CYP20A1: variants seen among roughly 807,000 people sequenced by gnomAD.
CYP20A1 encodes cytochrome P450 family 20 subfamily A member 1, also known as cytochrome P450 20A1.
A neutral mutation model predicts 61.4 loss-of-function variants in CYP20A1; 61 were observed. The observed-to-expected ratio is 0.99, with a 90% confidence interval of 0.81 to 1.23. The LOEUF is 1.23. Among genes scored for constraint, CYP20A1 ranks in the 50% most tolerant of loss-of-function variants. CYP20A1 has a pLI of 0.00. For synonymous variants in CYP20A1, 193 were observed against 188.2 expected, an observed-to-expected ratio of 1.03 and a Z score of -0.21; for missense variants, 530 against 542.4, an observed-to-expected ratio of 0.98 and a Z score of 0.23.
At chr2:203,265,464 C>T (rs984665688) in intron 4 of CYP20A1, among the ~76,000 whole-genome samples, 1 of 152,122 alleles carries the variant, frequency 6.6e-6, no homozygotes, top group African/African-American at 2.4e-5. Context: ...CACCTTTATA[C>T]TTTGATTTTG....
rs2066673329 is a variant in CYP20A1 at position 203,251,636 on chromosome 2, G to C, written c.290-331G>C. Reference sequence around the variant, plus strand: ...AGTACAAAATTAGCCAGGAGTGTTGGCACACGCCTGTAATCCTAGCTACTT... The same window carrying C: ...AGTACAAAATTAGCCAGGAGTGTTGCCACACGCCTGTAATCCTAGCTACTT... On this transcript the variant is annotated intron_variant, in intron 3 of 12. Coordinates refer to ENST00000356079, the MANE Select transcript of CYP20A1 (RefSeq NM_177538.3). Among the ~76,000 whole-genome samples the C allele has an allele frequency of 2.0e-5, 3 of 150,082 alleles. No individual in the cohort carries two copies. In the Admixed American group the frequency reaches 2.0e-4, roughly 10 times the overall value.
chr2:203,260,194 T>C (rs985111394), intron 4 of CYP20A1, among the ~76,000 whole-genome samples: 1 of 151,756 alleles, frequency 6.6e-6, no homozygotes, highest in Non-Finnish European at 1.5e-5. Flanking sequence ...CCCAAAGTGC[T>C]GGGATTGCAG....
intron 6 of CYP20A1, among the ~76,000 whole-genome samples, chr2:203,273,965 A>C (rs941933772): frequency 1.3e-5 from 2 of 152,134 alleles, no homozygotes; most frequent in Non-Finnish European, 2.9e-5. Context: ...TAAAAAATAA[A>C]AAATTAGCAT....
rs755838388 is a variant in CYP20A1 at position 203,296,758 on chromosome 2, G to T, written c.1239G>T (p.Arg413Ser). ...ACTAATTGACTTTCTTCCTGACTAGGTTTGCATATATGGTGACCACAGTAC... is the reference window on the plus strand; with the variant it reads ...ACTAATTGACTTTCTTCCTGACTAGTTTTGCATATATGGTGACCACAGTAC... ...FSGTQECPEL[R>S]FAYMVTTVLL... is the part of the protein sequence containing the mutation. The change falls in exon 13 of 13, where the codon AGG becomes AGT. Residue 413 changes from arginine to serine, a missense_variant and splice_region_variant. Coordinates refer to ENST00000356079, the MANE Select transcript of CYP20A1 (RefSeq NM_177538.3). The T allele has an allele frequency of 1.9e-6, 3 of 1,582,216 alleles. No individual in the cohort carries two copies. The highest frequency in any genetic ancestry group is 1.4e-5 in the African/African-American group (1 of 72,908).
At position 203,262,670 on chromosome 2, in the gene CYP20A1, T is replaced by TTTG. The variant is rs574124769; in HGVS notation, c.433-3826_433-3824dup. ...TCTATATTTCTGTCATATACAAGTT[T>TTTG]TTGTTGTTGTTGTTGTTGTTTGTTT... On this transcript the variant is annotated intron_variant, in intron 4 of 12. Transcript: ENST00000356079. Among the ~76,000 whole-genome samples the TTTG allele has an allele frequency of 3.2e-3, 480 of 152,116 alleles. 2 individuals are homozygous for TTTG. The highest frequency in any genetic ancestry group is 5.8e-3 in the Non-Finnish European group (395 of 67,984).
chr2:203,275,148 A>G (rs1416719697), intron 6 of CYP20A1, among the ~76,000 whole-genome samples: 1 of 152,224 alleles, frequency 6.6e-6, no homozygotes, highest in Non-Finnish European at 1.5e-5. Context: ...AGAATCTGAG[A>G]TCAGGGTGTC....
At chr2:203,273,901 C>T (rs567056954) in intron 6 of CYP20A1, among the ~76,000 whole-genome samples, 4 of 152,078 alleles carry the variant, frequency 2.6e-5, no homozygotes, top group African/African-American at 4.8e-5. Flanking sequence ...GAGCTGAGAT[C>T]GTGCCACTGC....
chr2:203,292,256 TCACAGACC>T lies in CYP20A1; in HGVS notation c.1084-4_1087del. On this transcript the variant is annotated splice_acceptor_variant and splice_polypyrimidine_tract_variant and coding_sequence_variant and intron_variant, in exon 11 of 13. Coordinates refer to ENST00000356079, the MANE Select transcript of CYP20A1 (RefSeq NM_177538.3). LOFTEE classifies it high-confidence loss of function. The stretch of plus-strand genomic sequence containing the variant: ...CCTTGACTAATTGGATTTTTTTTTT[TCACAGACC>T]CTCGTCCTTTATGCCCTTGGTGTGG... 6.2e-7 allele frequency: 1 copy of T among 1,607,722 alleles called. No individual in the cohort carries two copies. The highest frequency in any genetic ancestry group is 8.5e-7 in the Non-Finnish European group (1 of 1,176,328).
chr2:203,252,172 G>A (rs2066716364), intron 4 of CYP20A1, 63 bp downstream of exon 4: 3 of 1,262,002 alleles, frequency 2.4e-6, no homozygotes, highest in East Asian at 5.6e-5. Context: ...TATTTTTTGA[G>A]TATTGGTGTG....
rs575747587 is a variant in CYP20A1 at position 203,303,995 on chromosome 2, G to A, written c.*7087G>A. 4.6e-5 allele frequency among the ~76,000 whole-genome samples: 7 copies of A among 152,158 alleles called. No individual in the cohort carries two copies. Among genetic ancestry groups the A allele is most frequent in the Middle Eastern group, 3.4e-3 (1 of 294 alleles). On this transcript the variant is annotated 3_prime_UTR_variant, in exon 13 of 13. Coordinates refer to ENST00000356079, the MANE Select transcript of CYP20A1 (RefSeq NM_177538.3). ...AGCACTTTGGGAGTCCAAAGTGGGCGTATAACTTGAGGTCAGGAGTTCAAG... is the reference window on the plus strand; with the variant it reads ...AGCACTTTGGGAGTCCAAAGTGGGCATATAACTTGAGGTCAGGAGTTCAAG...
rs193234784 is a variant in CYP20A1 at position 203,302,706 on chromosome 2, G to T, written c.*5798G>T. Among the ~76,000 whole-genome samples, 1,825 of 151,824 alleles carry T rather than the reference G, an allele frequency of 0.012. 34 individuals are homozygous for T. The highest frequency in any genetic ancestry group is 0.042 in the Admixed American group (636 of 15,192). ...ATTTTTGTCATTCTTTATCTTTTTT[G>T]TGTGTGTGTGACAGAGTCTCACTGT... is the stretch of plus-strand genomic sequence containing the variant. On this transcript the variant is annotated 3_prime_UTR_variant, in exon 13 of 13. Transcript: ENST00000356079.
Position 203,298,763 on chromosome 2 carries a change from G to A in CYP20A1, c.*1855G>A, listed in dbSNP as rs148305911. 3.3e-3 allele frequency among the ~76,000 whole-genome samples: 499 copies of A among 151,710 alleles called. 4 individuals are homozygous for A. The highest frequency in any genetic ancestry group is 0.011 in the African/African-American group (458 of 41,370). Reference sequence around the variant, plus strand: ...AGAATATTTTAAGTAGGCTGGGCACGGTAGCTCATGCCTGTTATCCTAACA... The same window carrying A: ...AGAATATTTTAAGTAGGCTGGGCACAGTAGCTCATGCCTGTTATCCTAACA... On this transcript the variant is annotated 3_prime_UTR_variant, in exon 13 of 13. Coordinates refer to ENST00000356079, the MANE Select transcript of CYP20A1 (RefSeq NM_177538.3).
At position 203,298,499 on chromosome 2, in the gene CYP20A1, CCAACTTGGTG is replaced by C. The variant is rs2068896761; in HGVS notation, c.*1592_*1601del. ...GGTCAGGTGTTCGAGACCAGCCAGG[CCAACTTGGTG>C]AAACCCCGTCTCTACTAAAAATACA... On this transcript the variant is annotated 3_prime_UTR_variant, in exon 13 of 13. Transcript: ENST00000356079. 6.8e-6 allele frequency among the ~76,000 whole-genome samples: 1 copy of C among 147,724 alleles called. No homozygotes were observed. Among genetic ancestry groups the C allele is most frequent in the Non-Finnish European group, 1.5e-5 (1 of 67,456 alleles).
chr2:203,288,371 T>C (rs916772930), intron 9 of CYP20A1, among the ~76,000 whole-genome samples: 5 of 152,008 alleles, frequency 3.3e-5, no homozygotes, highest in African/African-American at 1.2e-4. Flanking sequence ...CAGCCCAGCC[T>C]GTGTTTATTT....
intron 9 of CYP20A1, among the ~76,000 whole-genome samples, chr2:203,289,003 TTGATATATATTGCC>T (rs2068420282): frequency 6.6e-6 from 1 of 152,206 alleles, no homozygotes. Context: ...ACTTAAGAGT[TTGATATATATTGCC>T]AAATTATGCT....
intron 6 of CYP20A1, among the ~76,000 whole-genome samples, chr2:203,278,279 TA>T (rs1331237655): frequency 6.6e-6 from 1 of 152,084 alleles, no homozygotes. Flanking sequence ...GTCTCAAAAA[TA>T]AAAGAAAAAG....
intron 9 of CYP20A1, among the ~76,000 whole-genome samples, chr2:203,287,560 G>A (rs1304164280): frequency 6.6e-6 from 1 of 152,002 alleles, no homozygotes; most frequent in African/African-American, 2.4e-5. Context: ...TTAAAAATTA[G>A]CCAGACATAA....
At chr2:203,260,207 G>A (rs1405520990) in intron 4 of CYP20A1, among the ~76,000 whole-genome samples, 2 of 151,198 alleles carry the variant, frequency 1.3e-5, no homozygotes, top group African/African-American at 4.9e-5. Flanking sequence ...GATTGCAGAT[G>A]TGAGCCACTG....
At chr2:203,250,588 T>C (rs974814477) in intron 3 of CYP20A1, among the ~76,000 whole-genome samples, 2 of 152,152 alleles carry the variant, frequency 1.3e-5, no homozygotes, top group Non-Finnish European at 2.9e-5. Context: ...TCAGGGAATA[T>C]AATGAGGAAA....
Sources: gnomAD v4.1 joint callset for allele counts (sites outside exome capture counted in the v4.1 genomes callset) on GRCh38, gnomAD v4.1.1 for gene constraint, MANE v1.5 for transcripts, NCBI Gene and HGNC (gene_info 2026-07-23, HGNC 2026-07-21) for gene names.